Variants in FBXL18 observed in about 807,000 individuals in gnomAD.
The protein encoded by FBXL18 is F-box/LRR-repeat protein 18.
A neutral mutation model predicts 46.0 loss-of-function variants in FBXL18; 36 were observed. The observed-to-expected ratio is 0.78, with a 90% confidence interval of 0.60 to 1.03. FBXL18 has a LOEUF of 1.03. Among genes scored for constraint, FBXL18 ranks in the 50% least tolerant of loss-of-function variants. The pLI is 0.00. For missense variants in FBXL18, 977 were observed against 1,004.1 expected (o/e 0.97, Z 0.36); for synonymous variants, 557 against 465.3 (o/e 1.20, Z -2.54).
intron 3 of FBXL18, among the ~76,000 whole-genome samples, chr7:5,497,582 C>T (rs1171589071): frequency 5.9e-5 from 9 of 152,196 alleles, no homozygotes; most frequent in African/African-American, 2.2e-4. Flanking sequence ...CCGGGGGACT[C>T]CAGGGTGTGA....
At chr7:5,491,554 C>T in intron 3 of FBXL18, 105 bp from the exon 4 acceptor site, 2 of 981,846 alleles carry the variant, frequency 2.0e-6, no homozygotes, top group East Asian at 2.6e-5. Context: ...GCCTGGGGCC[C>T]AGCCCAGCTG....
intron 4 of FBXL18, among the ~76,000 whole-genome samples, chr7:5,483,388 C>T (rs1261801078): frequency 6.6e-6 from 1 of 151,714 alleles, no homozygotes; most frequent in Non-Finnish European, 1.5e-5. Context: ...TTCCAGTGAG[C>T]CGAGATCGTG....
At chr7:5,511,232 C>A (rs112997702) in intron 1 of FBXL18, among the ~76,000 whole-genome samples, 1 of 151,616 alleles carries the variant, frequency 6.6e-6, no homozygotes, top group Admixed American at 6.6e-5. Flanking sequence ...GTCAGGAGAT[C>A]GAGACCATCC....
intron 3 of FBXL18, among the ~76,000 whole-genome samples, chr7:5,493,939 G>A (rs1347762797): frequency 2.0e-5 from 3 of 151,496 alleles, no homozygotes; most frequent in African/African-American, 2.4e-5. Flanking sequence ...TTCGACACTG[G>A]CCAACATGGC....
Position 5,481,690 on chromosome 7 carries a change from C to T in FBXL18, c.*85G>A, listed in dbSNP as rs569173848. ...TGGCCGGGAGAGAGGCCCCCTTCCTCTTGTGACAAACCAAGGGTCCCTGGC... is the reference window on the plus strand; with the variant it reads ...TGGCCGGGAGAGAGGCCCCCTTCCTTTTGTGACAAACCAAGGGTCCCTGGC... On this transcript the variant is annotated 3_prime_UTR_variant, in exon 5 of 5. Coordinates refer to ENST00000382368, the MANE Select transcript of FBXL18 (RefSeq NM_024963.6). 1.4e-6 allele frequency: 2 copies of T among 1,480,466 alleles called. No homozygotes were observed. Among genetic ancestry groups the T allele is most frequent in the East Asian group, 2.3e-5 (1 of 44,206 alleles). 91.7% of individuals were successfully genotyped at this position (1,480,466 alleles called of 1,614,324 possible).
chr7:5,494,304 C>T (rs1254883445), intron 3 of FBXL18, among the ~76,000 whole-genome samples: 3 of 150,752 alleles, frequency 2.0e-5, no homozygotes, highest in Non-Finnish European at 3.0e-5. Flanking sequence ...CTGGGCGTGG[C>T]GGGGCATGCC....
chr7:5,508,566 G>A (rs1427189909), intron 1 of FBXL18, among the ~76,000 whole-genome samples: 1 of 150,688 alleles, frequency 6.6e-6, no homozygotes, highest in East Asian at 1.9e-4. Context: ...CTAGGATCTT[G>A]CCACTGCACT....
rs114863412 is a variant in FBXL18, at chr7:5,455,895, G to A, written c.2001-8052C>T. ...AGACCTGGCCATCTCTGCCCCATGC[G>A]GGACTCTCTCATGGGCCGTGCTGGC... On this transcript the variant is annotated intron_variant and NMD_transcript_variant, in intron 4 of 6. Transcript: ENST00000415009. This position sits in a 1 kb window ranked among gnomAD's most constrained non-coding sequence, Gnocchi z 4.6. Among the ~76,000 whole-genome samples, 537 of 152,186 alleles carry A rather than the reference G, an allele frequency of 3.5e-3. 4 individuals are homozygous for A. The highest frequency in any genetic ancestry group is 0.012 in the African/African-American group (510 of 41,504).
chr7:5,482,307 C>G (rs893243786), intron 4 of FBXL18, among the ~76,000 whole-genome samples: 4 of 152,178 alleles, frequency 2.6e-5, no homozygotes, highest in Non-Finnish European at 5.9e-5. Context: ...CCCTGGCCCA[C>G]GGAAGCCCCA....
chr7:5,513,016 G>A (rs993154180), intron 1 of FBXL18, among the ~76,000 whole-genome samples: 26 of 152,184 alleles, frequency 1.7e-4, no homozygotes, highest in Non-Finnish European at 2.9e-5. Context: ...TAGGCAGGAA[G>A]CATCAACGGG....
chr7:5,469,276 G>C (rs1247694754), intron 4 of FBXL18, among the ~76,000 whole-genome samples: 1 of 152,178 alleles, frequency 6.6e-6, no homozygotes, highest in African/African-American at 2.4e-5. Flanking sequence ...GCCAGGCATG[G>C]TGGCGTGCAC....
intron 4 of FBXL18, among the ~76,000 whole-genome samples, chr7:5,467,210 G>A (rs1318000305): frequency 6.6e-6 from 1 of 152,120 alleles, no homozygotes; most frequent in Non-Finnish European, 1.5e-5. Context: ...AATTAGCCAG[G>A]CGCGGTGGCG....
chr7:5,461,128 G>A (rs1169177570), intron 4 of FBXL18, among the ~76,000 whole-genome samples: 1 of 152,186 alleles, frequency 6.6e-6, no homozygotes, highest in Non-Finnish European at 1.5e-5. Flanking sequence ...TCTCGGGGTG[G>A]CAGGTGGCTG....
At chr7:5,471,665 C>T (rs1783430081), downstream of FBXL18, among the ~76,000 whole-genome samples, 1 of 152,204 alleles carries the variant, frequency 6.6e-6, no homozygotes, top group African/African-American at 2.4e-5. Context: ...CCTCCTCGGC[C>T]TCCCAAAGTG....
intron 4 of FBXL18, among the ~76,000 whole-genome samples, chr7:5,466,280 T>C (rs1226988985): frequency 6.6e-6 from 1 of 152,044 alleles, no homozygotes; most frequent in Non-Finnish European, 1.5e-5. Context: ...GCAGGTTAAA[T>C]CTCTTACAGT....
At chr7:5,467,491 A>T (rs2128231689) in intron 4 of FBXL18, among the ~76,000 whole-genome samples, 1 of 151,680 alleles carries the variant, frequency 6.6e-6, no homozygotes, top group South Asian at 2.1e-4. Flanking sequence ...GGTTGCAGTG[A>T]GCCGAGATCA....
intron 4 of FBXL18, among the ~76,000 whole-genome samples, chr7:5,482,496 C>A (rs1426382671): frequency 1.4e-5 from 2 of 147,558 alleles, no homozygotes; most frequent in African/African-American, 2.5e-5. Context: ...GGTAGGCGAC[C>A]CCCCCCCAAT....
At chr7:5,488,194 A>T (rs115641084) in intron 4 of FBXL18, among the ~76,000 whole-genome samples, 39 of 152,352 alleles carry the variant, frequency 2.6e-4, no homozygotes, top group African/African-American at 8.9e-4. Context: ...AGGTCACCCC[A>T]GGAGGCCAGA....
chr7:5,484,498 C>T (rs35158969), intron 4 of FBXL18, among the ~76,000 whole-genome samples: 56,621 of 145,514 alleles, frequency 0.39, 11,696 homozygotes, highest in South Asian at 0.52. Flanking sequence ...GAGCTGCTGT[C>T]GGGACATGGA....
Sources: gnomAD v4.1 joint callset for allele counts (sites outside exome capture counted in the v4.1 genomes callset) on GRCh38, gnomAD v4.1.1 for gene constraint, Gnocchi (gnomAD v3.1) non-coding constraint, MANE v1.5 for transcripts, NCBI Gene and HGNC (gene_info 2026-07-23, HGNC 2026-07-21) for gene names.